Variants in SUSD6 observed in about 807,000 individuals in gnomAD.
SUSD6 encodes the protein sushi domain-containing protein 6.
SUSD6 carries 16 observed loss-of-function variants against 28.4 expected under a neutral mutation model. That is an observed-to-expected ratio of 0.56 (90% CI 0.38 to 0.86). The LOEUF (loss-of-function observed/expected upper bound fraction) is 0.86. Among genes scored for constraint, SUSD6 ranks in the 40% least tolerant of loss-of-function variants. SUSD6 has a pLI of 0.00. For missense variants in SUSD6, 341 were observed against 384.2 expected, an observed-to-expected ratio of 0.89 and a Z score of 0.94; for synonymous variants, 147 against 159.6, an observed-to-expected ratio of 0.92 and a Z score of 0.59.
intron 1 of SUSD6, among the ~76,000 whole-genome samples, chr14:69,612,775 A>G (rs1410883974): frequency 6.6e-6 from 1 of 152,224 alleles, no homozygotes; most frequent in Non-Finnish European, 1.5e-5. Flanking sequence ...GTGCTCTTCC[A>G]GAGGTGCAGT....
chr14:69,657,950 G>T (rs1566596979), intron 1 of SUSD6, among the ~76,000 whole-genome samples: 1 of 152,178 alleles, frequency 6.6e-6, no homozygotes, highest in Non-Finnish European at 1.5e-5. Context: ...GTGGTCACAG[G>T]TGTGTTGGGT....
chr14:69,614,528 C>T (rs1048773694), intron 1 of SUSD6, among the ~76,000 whole-genome samples: 3 of 152,194 alleles, frequency 2.0e-5, no homozygotes, highest in Non-Finnish European at 4.4e-5. Context: ...GTTAGAACTT[C>T]TTTCAAGTTT....
intron 2 of SUSD6, among the ~76,000 whole-genome samples, chr14:69,685,045 G>A (rs1886052246): frequency 1.3e-5 from 2 of 152,222 alleles, no homozygotes; most frequent in Admixed American, 1.3e-4. Context: ...GCCCACGTTT[G>A]CAGAAGTCAC....
intron 2 of SUSD6, among the ~76,000 whole-genome samples, chr14:69,683,282 CCAGA>C (rs1886025293): frequency 6.6e-6 from 1 of 152,126 alleles, no homozygotes; most frequent in Admixed American, 6.5e-5. Flanking sequence ...AACAGCCCTT[CCAGA>C]CACAGACACC....
At chr14:69,706,390 T>C (rs773360724) in intron 4 of SUSD6, among the ~76,000 whole-genome samples, 2 of 152,228 alleles carry the variant, frequency 1.3e-5, no homozygotes, top group African/African-American at 2.4e-5. Context: ...TGTGTACATA[T>C]ATTACTTTTT....
intron 1 of SUSD6, among the ~76,000 whole-genome samples, chr14:69,632,320 AGGCT>A (rs769746952): frequency 2.0e-5 from 3 of 152,142 alleles, no homozygotes; most frequent in African/African-American, 4.8e-5. Flanking sequence ...TCTGGGAGCC[AGGCT>A]GGCCCTCCTG....
rs746691555 is a variant in SUSD6 at position 69,703,606 on chromosome 14, A to C, written c.319+14A>C. ...GTCTCAACGAGGGTCAGTCTGGCAG[A>C]TGAAAAAGGGATGCTGCTGGGGTTC... On this transcript the variant is annotated intron_variant, in intron 3 of 5. Transcript: ENST00000342745. The C allele has an allele frequency of 5.0e-6, 8 of 1,612,162 alleles. No individual in the cohort carries two copies. The highest frequency in any genetic ancestry group is 8.5e-7 in the Non-Finnish European group (1 of 1,178,422).
chr14:69,630,864 G>C (rs1447254526), intron 1 of SUSD6, among the ~76,000 whole-genome samples: 1 of 152,142 alleles, frequency 6.6e-6, no homozygotes, highest in Non-Finnish European at 1.5e-5. Flanking sequence ...GGGGTCAAGC[G>C]TACATGCTGA....
intron 4 of SUSD6, among the ~76,000 whole-genome samples, chr14:69,706,137 A>G (rs549066629): frequency 6.6e-6 from 1 of 152,318 alleles, no homozygotes; most frequent in East Asian, 1.9e-4. Context: ...GGAAGAGGCT[A>G]GCAGTTATTT....
At chr14:69,649,705 C>T (rs535151070) in intron 1 of SUSD6, among the ~76,000 whole-genome samples, 5 of 152,102 alleles carry the variant, frequency 3.3e-5, no homozygotes, top group Non-Finnish European at 5.9e-5. Flanking sequence ...GAGTGGCCTT[C>T]GGGGAGGGAT....
intron 2 of SUSD6, among the ~76,000 whole-genome samples, chr14:69,689,549 G>C (rs960258132): frequency 2.6e-5 from 4 of 152,188 alleles, no homozygotes; most frequent in Non-Finnish European, 4.4e-5. Context: ...ATTTGCCCTT[G>C]AATTTCTAGC....
intron 1 of SUSD6, among the ~76,000 whole-genome samples, chr14:69,654,790 G>GGT (rs34122510): frequency 5.5e-4 from 54 of 98,990 alleles, no homozygotes; most frequent in Middle Eastern, 5.1e-3. Flanking sequence ...TTTTTTTTTT[G>GGT]GTGTGTGTGT....
At chr14:69,686,157 T>C (rs966661340) in intron 2 of SUSD6, among the ~76,000 whole-genome samples, 2 of 152,244 alleles carry the variant, frequency 1.3e-5, no homozygotes, top group Non-Finnish European at 2.9e-5. Flanking sequence ...AAATCTTTAG[T>C]GTCAGTTGAA....
chr14:69,628,653 T>G (rs1595033031), intron 1 of SUSD6, among the ~76,000 whole-genome samples: 1 of 152,032 alleles, frequency 6.6e-6, no homozygotes, highest in East Asian at 1.9e-4. Flanking sequence ...CTGAAACATT[T>G]CAGTACTGTT....
chr14:69,674,304 C>T (rs74060269), intron 2 of SUSD6, among the ~76,000 whole-genome samples: 13,594 of 152,086 alleles, frequency 0.089, 2,064 homozygotes, highest in African/African-American at 0.31. Flanking sequence ...GGCCTGTGTG[C>T]ATGCTTACTG....
At chr14:69,708,612 T>C in intron 4 of SUSD6, 65 bp from the exon 5 acceptor site, 1 of 1,348,088 alleles carries the variant, frequency 7.4e-7, no homozygotes, top group Non-Finnish European at 1.0e-6. Context: ...CTATTATTAT[T>C]ATCATGCCTG....
intron 1 of SUSD6, among the ~76,000 whole-genome samples, chr14:69,646,970 G>A (rs958556759): frequency 3.9e-5 from 6 of 152,124 alleles, no homozygotes; most frequent in Non-Finnish European, 7.4e-5. Context: ...CAAAGTGCTC[G>A]GATTACAGGC....
At chr14:69,623,197 C>T (rs1371683316) in intron 1 of SUSD6, among the ~76,000 whole-genome samples, 1 of 152,144 alleles carries the variant, frequency 6.6e-6, no homozygotes, top group Non-Finnish European at 1.5e-5. Flanking sequence ...TACAGGTACC[C>T]TAAAGTCAGC....
At chr14:69,684,810 G>A (rs1279244985) in intron 2 of SUSD6, among the ~76,000 whole-genome samples, 4 of 152,244 alleles carry the variant, frequency 2.6e-5, no homozygotes, top group Non-Finnish European at 4.4e-5. Context: ...CAGAAGAGGA[G>A]CTAAGGAGAA....
Sources: allele counts gnomAD v4.1 joint callset (sites outside exome capture counted in the v4.1 genomes callset), GRCh38; gene constraint gnomAD v4.1.1; transcripts MANE v1.5; gene names NCBI Gene and HGNC (gene_info 2026-07-23, HGNC 2026-07-21).